The following AGBL4 variants were observed in gnomAD, a reference collection of about 807,000 sequenced individuals.
AGBL4 encodes the protein cytosolic carboxypeptidase 6.
A neutral mutation model predicts 66.4 loss-of-function variants in AGBL4; 58 were observed. That is an observed-to-expected ratio of 0.87 (90% confidence interval 0.71 to 1.09). AGBL4 has a LOEUF of 1.09. Ranked by LOEUF, AGBL4 falls within the 50% of genes least tolerant of loss-of-function variation. The pLI is 0.00. For synonymous variants in AGBL4, 234 were observed against 222.9 expected, an observed-to-expected ratio of 1.05 and a Z score of -0.44; for missense variants, 579 against 631.0, an observed-to-expected ratio of 0.92 and a Z score of 0.88.
At chr1:49,377,185 T>A (rs986196676) in intron 3 of AGBL4, among the ~76,000 whole-genome samples, 1 of 152,012 alleles carries the variant, frequency 6.6e-6, no homozygotes, top group Non-Finnish European at 1.5e-5. Context: ...TTGAAGGAGA[T>A]GGGGGCTAAA....
intron 3 of AGBL4, among the ~76,000 whole-genome samples, chr1:49,693,571 A>T (rs1287059084): frequency 1.3e-5 from 2 of 152,050 alleles, no homozygotes; most frequent in African/African-American, 4.8e-5. Flanking sequence ...AATTAACAGT[A>T]TTTGCTTCCA....
At chr1:49,371,236 G>GATAT (rs1231052108) in intron 3 of AGBL4, among the ~76,000 whole-genome samples, 7 of 137,340 alleles carry the variant, frequency 5.1e-5, no homozygotes, top group African/African-American at 9.1e-5. Context: ...TATATAGATA[G>GATAT]ATAGATAGAT....
intron 6 of AGBL4, among the ~76,000 whole-genome samples, chr1:48,803,052 A>G (rs1323204383): frequency 6.6e-6 from 1 of 152,172 alleles, no homozygotes. Flanking sequence ...GGCTAATGTG[A>G]GCTTGATTAT....
At chr1:48,550,824 A>G (rs1216520885) in intron 11 of AGBL4, among the ~76,000 whole-genome samples, 1 of 152,172 alleles carries the variant, frequency 6.6e-6, no homozygotes, top group Admixed American at 6.5e-5. Context: ...TGGATTTACC[A>G]GGATTCAGAC....
chr1:49,551,957 G>A (rs895913672), intron 3 of AGBL4, among the ~76,000 whole-genome samples: 8 of 152,170 alleles, frequency 5.3e-5, no homozygotes, highest in African/African-American at 1.9e-4. Flanking sequence ...CTCGCCTTAG[G>A]TGGGTCCTGC....
intron 5 of AGBL4, among the ~76,000 whole-genome samples, chr1:48,904,553 G>C (rs72682920): frequency 2.0e-5 from 3 of 152,292 alleles, no homozygotes; most frequent in Non-Finnish European, 4.4e-5. Context: ...AGAGCTGTCT[G>C]TCTCTATTCA....
Position 48,764,627 on chromosome 1 carries a change from A to G in AGBL4, c.635-101386T>C, listed in dbSNP as rs533372791. On this transcript the variant is annotated intron_variant, in intron 6 of 13. Transcript: ENST00000371839. ...GCCAAGTTAAGAAGAGCTGAGGCTC[A>G]GTGTGCAGATGTGGAATAAACTAGG... Among the ~76,000 whole-genome samples, 62 of 152,352 alleles carry G rather than the reference A, an allele frequency of 4.1e-4. No homozygotes were observed. The Middle Eastern group carries it at 0.01, about 25-fold the overall frequency.
At chr1:48,699,267 G>T (rs191788786) in intron 6 of AGBL4, among the ~76,000 whole-genome samples, 1 of 152,260 alleles carries the variant, frequency 6.6e-6, no homozygotes, top group African/African-American at 2.4e-5. Context: ...GACCCTTTTA[G>T]CCCCTGAGTT....
At chr1:49,032,229 A>C (rs1481097401) in intron 5 of AGBL4, among the ~76,000 whole-genome samples, 1 of 152,132 alleles carries the variant, frequency 6.6e-6, no homozygotes, top group Non-Finnish European at 1.5e-5. Context: ...CCATGTTAAG[A>C]ATTTGATATT....
At chr1:49,259,043 A>T (rs1242818447) in intron 3 of AGBL4, among the ~76,000 whole-genome samples, 1 of 152,190 alleles carries the variant, frequency 6.6e-6, no homozygotes. Flanking sequence ...AGAATTTCAT[A>T]TCCAGCCAAA....
At chr1:49,724,302 AAG>A (rs1648843455) in intron 2 of AGBL4, among the ~76,000 whole-genome samples, 1 of 152,160 alleles carries the variant, frequency 6.6e-6, no homozygotes, top group Non-Finnish European at 1.5e-5. Context: ...GTTGTTTGGA[AAG>A]TAAATTAATC....
At chr1:49,410,046 T>A (rs1229864735) in intron 3 of AGBL4, among the ~76,000 whole-genome samples, 1 of 152,300 alleles carries the variant, frequency 6.6e-6, no homozygotes, top group Admixed American at 6.5e-5. Context: ...AGTACTACAA[T>A]GTAGGAAACT....
chr1:49,931,648 G>C (rs1295900769), intron 1 of AGBL4, among the ~76,000 whole-genome samples: 1 of 151,982 alleles, frequency 6.6e-6, no homozygotes. Flanking sequence ...ATGAGATTTG[G>C]GTGAGGAAAC....
intron 2 of AGBL4, chr1:49,846,122 A>C: frequency 1.3e-6 from 2 of 1,493,144 alleles, no homozygotes; most frequent in Non-Finnish European, 1.9e-6. Context: ...CCTTCTCATC[A>C]AACACCAGAG....
rs77325909 is a variant in AGBL4 at position 48,901,469 on chromosome 1, T to G, written c.595-34239A>C. ...AGTCAAAACCTGGAGAAAATTCAAA[T>G]GTGCACCAATTCGAACCTGGAAATA... On this transcript the variant is annotated intron_variant, in intron 5 of 13. Transcript: ENST00000371839. 1.6e-4 allele frequency among the ~76,000 whole-genome samples: 25 copies of G among 152,236 alleles called. No individual in the cohort carries two copies. In the East Asian group the frequency reaches 4.2e-3, roughly 26 times the overall value.
chr1:48,968,555 G>C (rs1658638696), intron 5 of AGBL4, among the ~76,000 whole-genome samples: 1 of 152,152 alleles, frequency 6.6e-6, no homozygotes, highest in South Asian at 2.1e-4. Context: ...AGACATATTT[G>C]AATATCACTA....
chr1:49,383,875 C>A lies in AGBL4; in HGVS notation c.283-138011G>T, dbSNP rs556641619. Among the ~76,000 whole-genome samples, 122 of 151,800 alleles carry A rather than the reference C, an allele frequency of 8.0e-4. 1 individual carries two copies. Among genetic ancestry groups the A allele is most frequent in the Admixed American group, 6.6e-3 (100 of 15,250 alleles). On this transcript the variant is annotated intron_variant, in intron 3 of 13. Coordinates refer to ENST00000371839, the MANE Select transcript of AGBL4 (RefSeq NM_032785.4). ...ACAGTGGCGTGATCTTGGCTCATTG[C>A]GACCGCCGCCTCCCAGATTCAGGCG...
Position 48,899,550 on chromosome 1 carries a change from C to T in AGBL4, c.595-32320G>A, listed in dbSNP as rs192521185. On this transcript the variant is annotated intron_variant, in intron 5 of 13. Coordinates refer to ENST00000371839, the MANE Select transcript of AGBL4 (RefSeq NM_032785.4). ...AGAGATTTTCTCAAGATACCAGGCT[C>T]CATATGAGGTAGCTGGGTGAGTCTT... 3.1e-3 allele frequency among the ~76,000 whole-genome samples: 466 copies of T among 152,116 alleles called. 5 individuals carry two copies. The highest frequency in any genetic ancestry group is 0.025 in the South Asian group (121 of 4,816).
intron 4 of AGBL4, among the ~76,000 whole-genome samples, chr1:49,119,842 C>T (rs1206541147): frequency 6.6e-6 from 1 of 151,994 alleles, no homozygotes. Flanking sequence ...CTAAGGAGTT[C>T]CTTTATGAAT....
Sources: allele counts gnomAD v4.1 joint callset (sites outside exome capture counted in the v4.1 genomes callset), GRCh38; gene constraint gnomAD v4.1.1; transcripts MANE v1.5; gene names NCBI Gene and HGNC (gene_info 2026-07-23, HGNC 2026-07-21).